Variants in TNXB observed in about 807,000 individuals in gnomAD.
TNXB encodes tenascin XB.
In TNXB, 183 loss-of-function variants were observed where a neutral mutation model predicts 340.5. The ratio of observed to expected loss-of-function variants is 0.54; its 90% confidence interval spans 0.48 to 0.61. TNXB has a LOEUF of 0.61. Ranked by LOEUF, TNXB falls within the 20% of genes least tolerant of loss-of-function variation. TNXB has a pLI of 0.00. For missense variants in TNXB, 4,613 were observed against 5,446.4 expected (o/e 0.85, Z 4.82); for synonymous variants, 2,121 against 2,314.5 (o/e 0.92, Z 2.40).
rs1777794043 is a variant in TNXB at position 32,058,227 on chromosome 6, G to T, written c.7656C>A (p.Phe2552Leu). The change falls in exon 22 of 44, where the codon TTC becomes TTA. Residue 2552 changes from phenylalanine (F) to leucine (L), a missense_variant. This residue lies in a region of TNXB where 4,327 missense variants were observed against 4,859.4 expected (regional missense o/e 0.89). Coordinates refer to ENST00000644971, the MANE Select transcript of TNXB (RefSeq NM_001365276.2). The surrounding 1 kb of genome is among the most constrained non-coding windows in gnomAD (Gnocchi z 5.1). Reference protein sequence around the residue: ...WTVPQGRFDSFTVQYKDRDGR... With the variant: ...WTVPQGRFDSLTVQYKDRDGR... Reference sequence around the variant, plus strand: ...CGTCCCTGTCCTTGTACTGCACGGTGAAGGAGTCAAAGCGGCCCTGGGGGA... The same window carrying T: ...CGTCCCTGTCCTTGTACTGCACGGTTAAGGAGTCAAAGCGGCCCTGGGGGA... 6.2e-7 allele frequency: 1 copy of T among 1,612,526 alleles called. No homozygotes were observed.
In TNXB at chr6:32,097,886, C is replaced by A; in HGVS notation, c.313G>T (p.Val105Phe). The part of the protein sequence containing the change: ...VLASEVQALR[V>F]RLEILEELVK... ...AACTCCTCCAGGATCTCTAGACGGACCCTCAGGGCCTGTACCTCTGAAGCA... is the reference window on the plus strand; with the variant it reads ...AACTCCTCCAGGATCTCTAGACGGAACCTCAGGGCCTGTACCTCTGAAGCA... The change falls in exon 2 of 44, where the codon GTC becomes TTC. Residue 105 changes from valine (V) to phenylalanine (F), a missense_variant. Val to Phe is a conservative substitution (Grantham distance 50). This residue lies in a region of TNXB where 4,327 missense variants were observed against 4,859.4 expected (regional missense o/e 0.89). Coordinates refer to ENST00000644971, the MANE Select transcript of TNXB (RefSeq NM_001365276.2). This position sits in a 1 kb window ranked among gnomAD's most constrained non-coding sequence, Gnocchi z 5.9. 1 of 1,572,438 alleles carries A rather than the reference C, an allele frequency of 6.4e-7. No individual in the cohort carries two copies. The highest frequency in any genetic ancestry group is 8.7e-7 in the Non-Finnish European group (1 of 1,152,524).
rs904416068 is a variant in TNXB at position 32,062,649 on chromosome 6, G to T, written c.6842-166C>A. Among the ~76,000 whole-genome samples, 1 of 152,220 alleles carries T rather than the reference G, an allele frequency of 6.6e-6. No homozygotes were observed. ...AATGTTCAGTTAACACCACACCTGT[G>T]GTGAAGTCATGATGCTCAGGTGGCA... is the stretch of plus-strand genomic sequence containing the variant. On this transcript the variant is annotated intron_variant, in intron 19 of 43. Transcript: ENST00000644971. This position sits in a 1 kb window ranked among gnomAD's most constrained non-coding sequence, Gnocchi z 4.3.
At chr6:32,071,651 T>C (rs1225496289) in intron 13 of TNXB, among the ~76,000 whole-genome samples, 1 of 150,014 alleles carries the variant, frequency 6.7e-6, no homozygotes, top group Admixed American at 6.7e-5. Flanking sequence ...AGTGGCGCAA[T>C]CTCAGCTCCC....
rs748796415 is a variant in TNXB, at chr6:32,048,016, GAA to G, written c.10046-6_10046-5del. ...GGAGACGGTTTGGTGTCTGGGGCTG[GAA>G]AAGACAGTGAGGTGCATGGAGAGTG... On this transcript the variant is annotated splice_region_variant and splice_polypyrimidine_tract_variant and intron_variant, in intron 29 of 43. Coordinates refer to ENST00000644971, the MANE Select transcript of TNXB (RefSeq NM_001365276.2). 1 of 1,606,614 alleles carries G rather than the reference GAA, an allele frequency of 6.2e-7. No homozygotes were observed. The highest frequency in any genetic ancestry group is 8.5e-7 in the Non-Finnish European group (1 of 1,176,250).
At chr6:32,092,703 A>G (rs1318823720) in intron 4 of TNXB, among the ~76,000 whole-genome samples, 1 of 150,324 alleles carries the variant, frequency 6.7e-6, no homozygotes, top group Non-Finnish European at 1.5e-5. Context: ...AAAAAAAAAA[A>G]AAGAAAGAAA....
Position 32,082,150 on chromosome 6 carries a change from G to A in TNXB, c.3622C>T (p.Pro1208Ser). 6.2e-7 allele frequency: 1 copy of A among 1,612,248 alleles called. No individual in the cohort carries two copies. Among genetic ancestry groups the A allele is most frequent in the Non-Finnish European group, 8.5e-7 (1 of 1,179,492 alleles). ...GRPQVVPVEG[P>S]ERSFVVSSLD... ...GAGGAGACAACAAATGAACGCTCGG[G>A]CCCTTCCACAGGTACCACCTGGGGC... is the stretch of plus-strand genomic sequence containing the variant. The change falls in exon 9 of 44, where the codon CCC (proline) becomes TCC (serine). Residue 1208 changes from proline to serine, a missense_variant. By Grantham distance (74) the Pro-to-Ser change is moderately conservative (BLOSUM62 -1). Coordinates refer to ENST00000644971, the MANE Select transcript of TNXB (RefSeq NM_001365276.2). The surrounding 1 kb of genome is among the most constrained non-coding windows in gnomAD (Gnocchi z 5.0).
intron 22 of TNXB, 88 bp from the exon 23 acceptor site, chr6:32,056,991 C>A: frequency 6.5e-7 from 1 of 1,526,816 alleles, no homozygotes; most frequent in Non-Finnish European, 8.9e-7. Context: ...ACACAAAGTG[C>A]CCAAGAGCAG....
chr6:32,073,987 A>C lies in TNXB; in HGVS notation c.4376-35T>G. 6.7e-7 allele frequency: 1 copy of C among 1,498,686 alleles called. No homozygotes were observed. The highest frequency in any genetic ancestry group is 9.0e-7 in the Non-Finnish European group (1 of 1,112,634). The allele number at this position is 1,498,686 out of a possible 1,614,324, so 92.8% of individuals were successfully genotyped here. A position where few individuals can be genotyped will look rare whatever the true frequency, so the allele number is the denominator to read the frequency against. On this transcript the variant is annotated intron_variant, in intron 11 of 43. Transcript: ENST00000644971. This position sits in a 1 kb window ranked among gnomAD's most constrained non-coding sequence, Gnocchi z 4.6. ...AGATGGTAGGGGGCTGTTAGTAAAGAATCCCCCTTTTCTTATAGTAATGAT... is the reference window on the plus strand; with the variant it reads ...AGATGGTAGGGGGCTGTTAGTAAAGCATCCCCCTTTTCTTATAGTAATGAT...
At position 32,087,591 on chromosome 6, in the gene TNXB, G is replaced by T; in HGVS notation, c.2779+1194C>A. ...CCTGGTTGGAGTCCCGTTTCCTGGT[G>T]CCGGGATCAGGGCTGGCGGTGGGGC... On this transcript the variant is annotated intron_variant, in intron 6 of 43. Coordinates refer to ENST00000644971, the MANE Select transcript of TNXB (RefSeq NM_001365276.2). This position sits in a 1 kb window ranked among gnomAD's most constrained non-coding sequence, Gnocchi z 9.0. 2.5e-6 allele frequency: 1 copy of T among 403,270 alleles called. No homozygotes were observed. The highest frequency in any genetic ancestry group is 5.0e-6 in the Non-Finnish European group (1 of 201,738). 25.0% of individuals were successfully genotyped at this position (403,270 alleles called of 1,614,324 possible).
rs187360552 is a variant in TNXB at position 32,073,035 on chromosome 6, A to T, written c.4681+612T>A. On this transcript the variant is annotated intron_variant, in intron 12 of 43. Coordinates refer to ENST00000644971, the MANE Select transcript of TNXB (RefSeq NM_001365276.2). This position sits in a 1 kb window ranked among gnomAD's most constrained non-coding sequence, Gnocchi z 4.6. ...CCTATACAGCTTATTTTACAGATTT[A>T]AAAACATTGCCTTCAGGTGGGGTAG... 1.3e-3 allele frequency among the ~76,000 whole-genome samples: 205 copies of T among 152,324 alleles called. No individual in the cohort carries two copies. The highest frequency in any genetic ancestry group is 6.8e-3 in the Middle Eastern group (2 of 294).
rs1776896545 is a variant in TNXB at position 32,046,504 on chromosome 6, C to G, written c.10325-48G>C. 2.0e-6 allele frequency: 3 copies of G among 1,495,450 alleles called. No homozygotes were observed. In the African/African-American group the frequency reaches 4.1e-5, roughly 21 times the overall value. 92.6% of individuals were successfully genotyped at this position (1,495,450 alleles called of 1,614,324 possible). On this transcript the variant is annotated intron_variant, in intron 30 of 43. Transcript: ENST00000644971. This position sits in a 1 kb window ranked among gnomAD's most constrained non-coding sequence, Gnocchi z 6.9. ...GCTCTTAGTCACATGCTGCCTTTGC[C>G]TAAGCCCTGGCAGCCTCCCGGAGGT...
rs1237719275 is a variant in TNXB, at chr6:32,052,440, G to A, written c.9115+230C>T. ...TACTCCAGCCTGGGTGACAAAGCGA[G>A]ACTCTATCTCAAAAAAAAAAAAAAG... On this transcript the variant is annotated intron_variant, in intron 26 of 43. Transcript: ENST00000644971. This position sits in a 1 kb window ranked among gnomAD's most constrained non-coding sequence, Gnocchi z 4.7. 6.7e-6 allele frequency among the ~76,000 whole-genome samples: 1 copy of A among 149,128 alleles called. No individual in the cohort carries two copies. The highest frequency in any genetic ancestry group is 1.5e-5 in the Non-Finnish European group (1 of 67,514).
chr6:32,069,426 G>T lies in TNXB; in HGVS notation c.5587+127C>A, dbSNP rs1778614072. The T allele has an allele frequency of 2.5e-6, 3 of 1,188,776 alleles. No homozygotes were observed. The highest frequency in any genetic ancestry group is 3.1e-5 in the African/African-American group (2 of 65,218). The allele number at this position is 1,188,776 out of a possible 1,614,324, so 73.6% of individuals were successfully genotyped here. A position where few individuals can be genotyped will look rare whatever the true frequency, so the allele number is the denominator to read the frequency against. On this transcript the variant is annotated intron_variant, in intron 15 of 43. Coordinates refer to ENST00000644971, the MANE Select transcript of TNXB (RefSeq NM_001365276.2). The surrounding 1 kb of genome is among the most constrained non-coding windows in gnomAD (Gnocchi z 6.2). ...GACTGGGGCAACTGACTCTAAAGGG[G>T]CACAAGGAAACTTTCTGGATCAATG... is the stretch of plus-strand genomic sequence containing the variant.
intron 1 of TNXB, among the ~76,000 whole-genome samples, chr6:32,106,049 G>A (rs1780959347): frequency 7.2e-6 from 1 of 138,040 alleles, no homozygotes. Flanking sequence ...TTTATGTGAA[G>A]TTTGAGGAGA....
chr6:32,046,183 C>A lies in TNXB; in HGVS notation c.10598G>T (p.Gly3533Val). The A allele has an allele frequency of 1.3e-6, 2 of 1,582,472 alleles. No individual in the cohort carries two copies. The highest frequency in any genetic ancestry group is 1.7e-6 in the Non-Finnish European group (2 of 1,159,094). Residue 3533 changes from glycine (G) to valine (V), a missense_variant, in exon 31 of 44, where the codon GGA becomes GTA. By Grantham distance (109) the Gly-to-Val change is moderately radical. This residue lies in a region of TNXB where 4,327 missense variants were observed against 4,859.4 expected (regional missense o/e 0.89). Coordinates refer to ENST00000644971, the MANE Select transcript of TNXB (RefSeq NM_001365276.2). The surrounding 1 kb of genome is among the most constrained non-coding windows in gnomAD (Gnocchi z 6.9). Reference protein sequence around the residue: ...GKRLGPVSALGMTAPEEDTPA... With the variant: ...GKRLGPVSALVMTAPEEDTPA... The stretch of plus-strand genomic sequence containing the variant: ...AGGCACAGCAGCCTCACCTGTCATT[C>A]CCAGGGCAGAGACCGGGCCCAGGCG...
In TNXB at chr6:32,108,379, G is replaced by T. The variant is rs545840400; in HGVS notation, c.-9+802C>A. Among the ~76,000 whole-genome samples the T allele has an allele frequency of 6.6e-6, 1 of 152,272 alleles. No homozygotes were observed. The highest frequency in any genetic ancestry group is 1.5e-5 in the Non-Finnish European group (1 of 68,012). ...TGGGGGGCGGGGGCGGCGAGGTGAG[G>T]GAGAGTGCGGGTTCAGACAGACAGA... On this transcript the variant is annotated intron_variant, in intron 1 of 43. Transcript: ENST00000644971. The surrounding 1 kb of genome is among the most constrained non-coding windows in gnomAD (Gnocchi z 4.8).
rs576485710 is a variant in TNXB, at chr6:32,073,206, G to A, written c.4681+441C>T. Among the ~76,000 whole-genome samples the A allele has an allele frequency of 6.6e-6, 1 of 152,236 alleles. No individual in the cohort carries two copies. Among genetic ancestry groups the A allele is most frequent in the African/African-American group, 2.4e-5 (1 of 41,550 alleles). ...AGGGCTGGGATGGAATGCAGTGCAG[G>A]CAGGTGGCAGAGGACTCCTGAGAAG... On this transcript the variant is annotated intron_variant, in intron 12 of 43. Transcript: ENST00000644971. This position sits in a 1 kb window ranked among gnomAD's most constrained non-coding sequence, Gnocchi z 4.6.
At position 32,070,690 on chromosome 6, in the gene TNXB, C is replaced by G. The variant is rs997907285; in HGVS notation, c.4991-276G>C. ...CTTTCTGTCCAGCCTCTTTCCGCCT[C>G]TCACAGACTGCTTCCCCAGCAGGGT... On this transcript the variant is annotated intron_variant, in intron 13 of 43. Coordinates refer to ENST00000644971, the MANE Select transcript of TNXB (RefSeq NM_001365276.2). This position sits in a 1 kb window ranked among gnomAD's most constrained non-coding sequence, Gnocchi z 6.0. Among the ~76,000 whole-genome samples the G allele has an allele frequency of 2.6e-5, 4 of 152,220 alleles. No homozygotes were observed. The highest frequency in any genetic ancestry group is 5.9e-5 in the Non-Finnish European group (4 of 68,036).
In TNXB at chr6:32,050,268, G is replaced by A. The variant is rs542833871; in HGVS notation, c.9169C>T (p.Pro3057Ser). Residue 3057 changes from proline to serine, a missense_variant, in exon 27 of 44, where the codon CCC becomes TCC. By Grantham distance (74) the Pro-to-Ser change is moderately conservative. Transcript: ENST00000644971. ...TQAVPTMTPE[P>S]PIKPRLGELT... is the part of the protein sequence containing the mutation. ...TCCCCCAGGCGAGGCTTGATGGGGG[G>A]CTCAGGGGTCATGGTAGGCACTGCT... is the stretch of plus-strand genomic sequence containing the variant. The A allele has an allele frequency of 1.2e-6, 2 of 1,613,488 alleles. No homozygotes were observed. Among genetic ancestry groups the A allele is most frequent in the African/African-American group, 1.3e-5 (1 of 75,030 alleles).
Sources: gnomAD v4.1 joint callset for allele counts (sites outside exome capture counted in the v4.1 genomes callset) on GRCh38, gnomAD v4.1.1 for gene constraint, gnomAD v4.1.1 regional missense constraint, Gnocchi (gnomAD v3.1) non-coding constraint, MANE v1.5 for transcripts, NCBI Gene and HGNC (gene_info 2026-07-23, HGNC 2026-07-21) for gene names.